VSTM4: variants seen among roughly 807,000 people sequenced by gnomAD.
VSTM4 encodes V-set and transmembrane domain-containing protein 4.
VSTM4 carries 20 observed loss-of-function variants against 36.4 expected under a neutral mutation model. That is an observed-to-expected ratio of 0.55 (90% confidence interval 0.39 to 0.80). VSTM4 has a LOEUF of 0.80. VSTM4 is among the 30% of genes least tolerant of loss of function. VSTM4 has a pLI of 0.00. For synonymous variants in VSTM4, 182 were observed against 173.9 expected, an observed-to-expected ratio of 1.05 and a Z score of -0.37; for missense variants, 392 against 404.5, an observed-to-expected ratio of 0.97 and a Z score of 0.26.
intron 5 of VSTM4, among the ~76,000 whole-genome samples, chr10:49,063,466 G>T (rs1004314319): frequency 3.3e-5 from 5 of 152,072 alleles, no homozygotes; most frequent in Admixed American, 2.0e-4. Flanking sequence ...ATGATGGGTG[G>T]TTTTTTTATA....
At position 49,014,242 on chromosome 10, in the gene VSTM4, G is replaced by C. The variant is rs148864026; in HGVS notation, c.*5408C>G. The stretch of plus-strand genomic sequence containing the variant: ...ATGAGCTTTCTCCTCGTTGTTGATG[G>C]AGGACGCTTGTAATAAAGTTTAATG... On this transcript the variant is annotated 3_prime_UTR_variant, in exon 8 of 8. Transcript: ENST00000332853. The C allele has an allele frequency of 6.6e-6, 1 of 152,362 alleles. No individual in the cohort carries two copies. The highest frequency in any genetic ancestry group is 2.4e-5 in the African/African-American group (1 of 41,574). 9.4% of individuals were successfully genotyped at this position (152,362 alleles called of 1,614,324 possible).
At chr10:49,030,310 A>G (rs2254410) in intron 7 of VSTM4, among the ~76,000 whole-genome samples, 102,469 of 152,030 alleles carry the variant, frequency 0.67, 36,449 homozygotes, top group Non-Finnish European at 0.8. Context: ...ATCCAGTTGC[A>G]CTCCCAAATC....
At chr10:49,092,038 G>C (rs1455463043) in intron 2 of VSTM4, among the ~76,000 whole-genome samples, 2 of 152,210 alleles carry the variant, frequency 1.3e-5, no homozygotes, top group Non-Finnish European at 2.9e-5. Context: ...GCTGGGCTCA[G>C]GAGACATGCC....
chr10:49,054,396 G>A (rs901941450), intron 5 of VSTM4, among the ~76,000 whole-genome samples: 5 of 152,254 alleles, frequency 3.3e-5, no homozygotes, highest in African/African-American at 9.6e-5. Flanking sequence ...CTGCCCCAAA[G>A]GGAGGAGGAG....
At chr10:49,053,225 T>C (rs779230008) in intron 5 of VSTM4, among the ~76,000 whole-genome samples, 1 of 152,214 alleles carries the variant, frequency 6.6e-6, no homozygotes, top group East Asian at 1.9e-4. Context: ...GAGCTCATTG[T>C]GGAGCAAGGC....
chr10:49,019,553 G>A lies in VSTM4; in HGVS notation c.*97C>T, dbSNP rs1344491471. 1.4e-6 allele frequency: 2 copies of A among 1,441,812 alleles called. No individual in the cohort carries two copies. The highest frequency in any genetic ancestry group is 4.7e-5 in the Admixed American group (2 of 42,340). The allele number at this position is 1,441,812 out of a possible 1,614,324, so 89.3% of individuals were successfully genotyped here. On this transcript the variant is annotated 3_prime_UTR_variant, in exon 8 of 8. Transcript: ENST00000332853. The stretch of plus-strand genomic sequence containing the variant: ...AAAGGGGCTCCCCACCACTCAGAAG[G>A]CATGAGTGAAAATACAGACATAAGG...
At chr10:49,028,817 T>G (rs1843301977) in intron 7 of VSTM4, among the ~76,000 whole-genome samples, 1 of 152,214 alleles carries the variant, frequency 6.6e-6, no homozygotes, top group African/African-American at 2.4e-5. Flanking sequence ...GTAATACCAT[T>G]ATCACAGCAA....
intron 7 of VSTM4, among the ~76,000 whole-genome samples, chr10:49,035,914 A>T (rs1384998847): frequency 1.3e-5 from 2 of 152,174 alleles, no homozygotes; most frequent in Non-Finnish European, 2.9e-5. Context: ...TTGGAGCCCC[A>T]GTGAATTTCT....
chr10:49,016,761 ACT>A lies in VSTM4; in HGVS notation c.*2887_*2888del, dbSNP rs1843110894. On this transcript the variant is annotated 3_prime_UTR_variant, in exon 8 of 8. Transcript: ENST00000332853. ...GTGGCGGTACATTCGTAAAAAGGTG[ACT>A]CTAAGGAATCCCAGGCCTCTCCTCC... 6.6e-6 allele frequency: 1 copy of A among 152,130 alleles called. No homozygotes were observed. The highest frequency in any genetic ancestry group is 2.4e-5 in the African/African-American group (1 of 41,420). The allele number at this position is 152,130 out of a possible 1,614,324, so 9.4% of individuals were successfully genotyped here.
intron 5 of VSTM4, among the ~76,000 whole-genome samples, chr10:49,062,897 G>C (rs535496256): frequency 6.6e-6 from 1 of 152,146 alleles, no homozygotes; most frequent in South Asian, 2.1e-4. Flanking sequence ...AGCCCGAACA[G>C]TGAGTTTTTC....
chr10:49,103,769 G>A (rs775612002), intron 2 of VSTM4: 5 of 1,614,102 alleles, frequency 3.1e-6, no homozygotes, highest in Non-Finnish European at 4.2e-6. Flanking sequence ...AGGAGGCCAT[G>A]GTTAAGTCTG....
chr10:49,037,589 C>T lies in VSTM4; in HGVS notation c.837+9394G>A, dbSNP rs138199514. Among the ~76,000 whole-genome samples the T allele has an allele frequency of 1.6e-4, 25 of 152,320 alleles. No individual in the cohort carries two copies. In the East Asian group the frequency reaches 4.4e-3, roughly 27 times the overall value. ...ATCATTAGGGGTAAGACCAGTTCTC[C>T]CTGACTTTAAAACCAGTTCCCATGT... On this transcript the variant is annotated intron_variant, in intron 7 of 7. Transcript: ENST00000332853.
At chr10:49,086,412 T>G (rs913153003) in intron 2 of VSTM4, among the ~76,000 whole-genome samples, 4 of 152,230 alleles carry the variant, frequency 2.6e-5, no homozygotes, top group African/African-American at 9.6e-5. Flanking sequence ...TAGAGGAACC[T>G]GAAGTCATCA....
At chr10:49,025,429 T>C (rs72783159) in intron 7 of VSTM4, among the ~76,000 whole-genome samples, 9,016 of 151,410 alleles carry the variant, frequency 0.06, 283 homozygotes, top group Middle Eastern at 0.12. Flanking sequence ...TTACCCCTGG[T>C]TCAGTGAGGA....
At chr10:49,076,685 G>T (rs530577688) in intron 4 of VSTM4, among the ~76,000 whole-genome samples, 35 of 152,322 alleles carry the variant, frequency 2.3e-4, no homozygotes, top group African/African-American at 7.9e-4. Context: ...AAGGCAGGAA[G>T]GGGCTGAAGG....
chr10:49,103,664 C>T, intron 2 of VSTM4: 5 of 1,569,826 alleles, frequency 3.2e-6, no homozygotes, highest in Non-Finnish European at 4.3e-6. Context: ...GTGTTCATGA[C>T]AGGGAAATGA....
In VSTM4 at chr10:49,110,394, A is replaced by G. The variant is rs975182972; in HGVS notation, c.56-2399T>C. ...GGTCAGGGGATCCCAGGAAAGGGAA[A>G]GGACTATTCTCTAGCCTTCCAGGAT... On this transcript the variant is annotated intron_variant, in intron 1 of 7. Coordinates refer to ENST00000332853, the MANE Select transcript of VSTM4 (RefSeq NM_001031746.5). 3.3e-5 allele frequency among the ~76,000 whole-genome samples: 5 copies of G among 152,180 alleles called. No homozygotes were observed. In the South Asian group the frequency reaches 1.0e-3, roughly 32 times the overall value.
intron 1 of VSTM4, among the ~76,000 whole-genome samples, chr10:49,108,380 C>T (rs930837494): frequency 4.6e-5 from 7 of 152,222 alleles, no homozygotes; most frequent in Non-Finnish European, 1.0e-4. Flanking sequence ...CCACACCTCA[C>T]CACCTGGCCC....
intron 2 of VSTM4, among the ~76,000 whole-genome samples, chr10:49,092,896 C>T (rs1844501742): frequency 6.6e-6 from 1 of 152,138 alleles, no homozygotes; most frequent in Admixed American, 6.5e-5. Flanking sequence ...GTAGGCAGGA[C>T]ATCGACCAGT....
Sources: allele counts gnomAD v4.1 joint callset (sites outside exome capture counted in the v4.1 genomes callset), GRCh38; gene constraint gnomAD v4.1.1; transcripts MANE v1.5; gene names NCBI Gene and HGNC (gene_info 2026-07-23, HGNC 2026-07-21).